MTTP: variants seen among roughly 807,000 people sequenced by gnomAD.
MTTP encodes the protein microsomal triglyceride transfer protein, also known as microsomal triglyceride transfer protein large subunit.
In MTTP, 49 loss-of-function variants were observed where a neutral mutation model predicts 90.6. The ratio of observed to expected loss-of-function variants is 0.54; its 90% CI spans 0.43 to 0.69. The LOEUF (loss-of-function observed/expected upper bound fraction) is 0.69, where lower values mean the gene tolerates loss of function less well. MTTP is among the 30% of genes least tolerant of loss of function. MTTP has a pLI of 0.00. For synonymous variants in MTTP, 347 were observed against 384.2 expected (o/e 0.90, Z 1.13); for missense variants, 945 against 1,067.5 (o/e 0.89, Z 1.60).
At chr4:99,567,532 G>A (rs1724732263) in intron 1 of MTTP, among the ~76,000 whole-genome samples, 1 of 152,180 alleles carries the variant, frequency 6.6e-6, no homozygotes, top group Admixed American at 6.5e-5. Flanking sequence ...AAACTGGCAG[G>A]TTGTTCAGCA....
chr4:99,568,024 G>GTT (rs1724744991), intron 1 of MTTP, among the ~76,000 whole-genome samples: 1 of 152,026 alleles, frequency 6.6e-6, no homozygotes, highest in Admixed American at 6.5e-5. Flanking sequence ...CAGAGAGCAA[G>GTT]TTTTAAATAA....
chr4:99,574,962 C>T lies in MTTP; in HGVS notation c.53C>T (p.Ser18Phe), dbSNP rs573682440. 1.6e-5 allele frequency: 26 copies of T among 1,613,986 alleles called. No homozygotes were observed. Among genetic ancestry groups the T allele is most frequent in the Non-Finnish European group, 2.2e-5 (26 of 1,180,032 alleles). Residue 18 changes from serine (S) to phenylalanine (F), a missense_variant, in exon 1 of 18, where the codon TCT becomes TTT. Physicochemically the swap from Ser to Phe is radical, Grantham distance 155 (BLOSUM62 -2). Transcript: ENST00000265517. ...TGCTTCATTTCCTCATATTCAGCTT[C>T]TGTTAAAGGTAAGTTTGTGTTGCCT... ...FLCFISSYSA[S>F]VKGHTTGLSL...
chr4:99,589,739 A>G lies in MTTP; in HGVS notation c.490A>G (p.Thr164Ala), dbSNP rs563558722. The G allele has an allele frequency of 4.6e-4, 731 of 1,575,300 alleles. 7 individuals carry two copies. The South Asian group carries it at 7.4e-3, about 16-fold the overall frequency. Residue 164 changes from threonine (T) to alanine (A), a missense_variant, in exon 4 of 18, where the codon ACC becomes GCC. By Grantham distance (58) the Thr-to-Ala change is moderately conservative (BLOSUM62 0). Transcript: ENST00000265517. ...ATTTCAGACACAGTTAAGCTCTGGA[A>G]CCACCAATGAGGTACTTACCAATAT... ...SLFQTQLSSG[T>A]TNEVDISGNC...
intron 11 of MTTP, among the ~76,000 whole-genome samples, 180 bp from the exon 12 acceptor site, chr4:99,608,586 A>C (rs1343591497): frequency 6.6e-6 from 1 of 152,254 alleles, no homozygotes; most frequent in Admixed American, 6.5e-5. Context: ...ATCCTCATAG[A>C]TTCTATCCAT....
chr4:99,613,017 T>G lies in MTTP; in HGVS notation c.2094T>G (p.Asp698Glu). The change falls in exon 15 of 18, where the codon GAT becomes GAG. Residue 698 changes from aspartate (D) to glutamate (E), a missense_variant. Asp to Glu is a conservative substitution (Grantham distance 45, BLOSUM62 2). Coordinates refer to ENST00000265517, the MANE Select transcript of MTTP (RefSeq NM_001386140.1). ...CTGGTATGTCAGCCATCCTCTTTGA[T>G]GTTCAGCTCAGACCTGTCACCTTTT... Reference protein sequence around the residue: ...SYAGMSAILFDVQLRPVTFFN... With the variant: ...SYAGMSAILFEVQLRPVTFFN... The G allele has an allele frequency of 6.2e-7, 1 of 1,614,122 alleles. No homozygotes were observed. The highest frequency in any genetic ancestry group is 8.5e-7 in the Non-Finnish European group (1 of 1,179,972).
At chr4:99,622,596 T>G (rs1726263614) in intron 17 of MTTP, 81 bp from the exon 18 acceptor site, 1 of 1,468,540 alleles carries the variant, frequency 6.8e-7, no homozygotes, top group African/African-American at 1.4e-5. Flanking sequence ...AAACTTCAAG[T>G]ACATTCAGTA....
chr4:99,564,908 T>C (rs1466658554), intron 1 of MTTP, among the ~76,000 whole-genome samples: 1 of 152,228 alleles, frequency 6.6e-6, no homozygotes, highest in Non-Finnish European at 1.5e-5. Flanking sequence ...AAAACTAAAG[T>C]CACTCTTGCC....
intron 1 of MTTP, among the ~76,000 whole-genome samples, chr4:99,575,987 A>C (rs748907704): frequency 6.6e-6 from 1 of 152,252 alleles, no homozygotes; most frequent in Non-Finnish European, 1.5e-5. Flanking sequence ...AAATTTCCAC[A>C]TGAGGAAAAA....
At chr4:99,587,296 T>C (rs1473484498) in intron 3 of MTTP, among the ~76,000 whole-genome samples, 1 of 152,102 alleles carries the variant, frequency 6.6e-6, no homozygotes, top group East Asian at 1.9e-4. Flanking sequence ...GTAGCAGTCA[T>C]ATAAAAGAAA....
In MTTP at chr4:99,594,832, C is replaced by T. The variant is rs1473432386; in HGVS notation, c.858C>T (p.Ala286=). The change falls in exon 7 of 18, where the codon GCC becomes GCT. Residue 286 remains alanine (A), a synonymous_variant. Transcript: ENST00000265517. ...AAGCAGTTGATTCAAAGTACACGGC[C>T]ATTCCCATTGTGGGGCAGGTCTTCC... ...IIKAVDSKYT[A]IPIVGQVFQS... is the part of the protein sequence containing the mutation. 6.2e-7 allele frequency: 1 copy of T among 1,614,030 alleles called. No individual in the cohort carries two copies. Among genetic ancestry groups the T allele is most frequent in the Non-Finnish European group, 8.5e-7 (1 of 1,179,928 alleles).
chr4:99,598,942 C>T (rs1463196849), intron 8 of MTTP, among the ~76,000 whole-genome samples: 2 of 152,104 alleles, frequency 1.3e-5, no homozygotes, highest in East Asian at 1.9e-4. Flanking sequence ...GGATTACAGG[C>T]GTGAGCCACC....
chr4:99,572,017 C>T (rs80034378), upstream of MTTP, among the ~76,000 whole-genome samples: 331 of 151,712 alleles, frequency 2.2e-3, 1 homozygote, highest in African/African-American at 7.5e-3. Flanking sequence ...AATACATTTC[C>T]TTCCAACCTT....
chr4:99,567,795 G>A (rs978507795), intron 1 of MTTP, among the ~76,000 whole-genome samples: 1 of 152,098 alleles, frequency 6.6e-6, no homozygotes, highest in Non-Finnish European at 1.5e-5. Context: ...ATGAAGACAC[G>A]TGTGTCATTT....
At chr4:99,618,437 C>T (rs1726149131) in intron 15 of MTTP, among the ~76,000 whole-genome samples, 1 of 152,194 alleles carries the variant, frequency 6.6e-6, no homozygotes. Context: ...ATCCAAACCT[C>T]CTCCCCTTAC....
At chr4:99,611,291 G>A in intron 13 of MTTP, 41 bp from the exon 14 acceptor site, 1 of 1,613,908 alleles carries the variant, frequency 6.2e-7, no homozygotes, top group African/African-American at 1.3e-5. Flanking sequence ...ACTTAGCATT[G>A]CTGGAACTGC....
intron 3 of MTTP, among the ~76,000 whole-genome samples, chr4:99,585,889 G>A (rs756050530): frequency 3.9e-5 from 6 of 152,104 alleles, no homozygotes; most frequent in Non-Finnish European, 8.8e-5. Context: ...GGACTAAGAA[G>A]CCAACAGGAA....
Position 99,589,745 on chromosome 4 carries a change from A to C in MTTP, c.496A>C (p.Asn166His). The C allele has an allele frequency of 1.0e-5, 16 of 1,552,482 alleles. No homozygotes were observed. Among genetic ancestry groups the C allele is most frequent in the Non-Finnish European group, 1.4e-5 (16 of 1,125,324 alleles). Residue 166 changes from asparagine (N) to histidine (H), a missense_variant, in exon 4 of 18, where the codon AAT (asparagine) becomes CAT (histidine). Physicochemically the swap from Asn to His is moderately conservative, Grantham distance 68 (BLOSUM62 1). Coordinates refer to ENST00000265517, the MANE Select transcript of MTTP (RefSeq NM_001386140.1). ...GACACAGTTAAGCTCTGGAACCACC[A>C]ATGAGGTACTTACCAATATTAATAA... is the stretch of plus-strand genomic sequence containing the variant. Reference protein sequence around the residue: ...FQTQLSSGTTNEVDISGNCKV... With the variant: ...FQTQLSSGTTHEVDISGNCKV...
chr4:99,577,173 A>G (rs1211087982), intron 1 of MTTP, among the ~76,000 whole-genome samples: 1 of 152,204 alleles, frequency 6.6e-6, no homozygotes, highest in East Asian at 1.9e-4. Context: ...CAACTTGTGA[A>G]GAGTTTACCT....
intron 7 of MTTP, among the ~76,000 whole-genome samples, 183 bp downstream of exon 7, chr4:99,595,066 C>A (rs1438886769): frequency 1.3e-5 from 2 of 152,140 alleles, no homozygotes; most frequent in Non-Finnish European, 2.9e-5. Flanking sequence ...CAATAATTAA[C>A]AAATAGTTAC....
Sources: gnomAD v4.1 joint callset for allele counts (sites outside exome capture counted in the v4.1 genomes callset) on GRCh38, gnomAD v4.1.1 for gene constraint, MANE v1.5 for transcripts, NCBI Gene and HGNC (gene_info 2026-07-23, HGNC 2026-07-21) for gene names.